The following SH3BP4 variants were observed in gnomAD, a reference collection of about 807,000 sequenced individuals.
SH3BP4 encodes SH3 domain binding protein 4, also known as SH3 domain-binding protein 4.
A neutral mutation model predicts 65.5 loss-of-function variants in SH3BP4; 33 were observed. That is an observed-to-expected ratio of 0.50 (90% CI 0.38 to 0.67). SH3BP4 has a LOEUF of 0.67. Ranked by LOEUF, SH3BP4 falls within the 30% of genes least tolerant of loss-of-function variation. SH3BP4 has a pLI of 0.00. For synonymous variants in SH3BP4, 552 were observed against 545.5 expected (o/e 1.01, Z -0.17); for missense variants, 1,134 against 1,261.4 (o/e 0.90, Z 1.53).
In SH3BP4 at chr2:235,041,854, C is replaced by G. The variant is rs1217910691; in HGVS notation, c.1085C>G (p.Pro362Arg). Reference protein sequence around the residue: ...QQISMKALLDPPLELNSDRSC... With the variant: ...QQISMKALLDRPLELNSDRSC... ...ATCTCCATGAAAGCCCTGCTGGACC[C>G]CCCGCTGGAGCTCAACAGTGACAGG... The change falls in exon 4 of 6, where the codon CCC (proline) becomes CGC (arginine). Residue 362 changes from proline (P) to arginine (R), a missense_variant. Physicochemically the swap from Pro to Arg is moderately radical, Grantham distance 103. Transcript: ENST00000392011. The surrounding 1 kb of genome is among the most constrained non-coding windows in gnomAD (Gnocchi z 6.0). The G allele has an allele frequency of 1.2e-6, 2 of 1,608,312 alleles. No individual in the cohort carries two copies. The highest frequency in any genetic ancestry group is 1.7e-6 in the Non-Finnish European group (2 of 1,176,476).
At chr2:234,959,923 A>G (rs1692668870) in intron 1 of SH3BP4, among the ~76,000 whole-genome samples, 1 of 152,192 alleles carries the variant, frequency 6.6e-6, no homozygotes, top group Non-Finnish European at 1.5e-5. Context: ...AAGTGCTGGG[A>G]TTACAGGCAT....
intron 5 of SH3BP4, among the ~76,000 whole-genome samples, chr2:235,053,261 A>G (rs1696119731): frequency 2.0e-5 from 3 of 152,226 alleles, no homozygotes; most frequent in Admixed American, 1.3e-4. Context: ...AGTCCCAAGG[A>G]CAAAGCTGTC....
chr2:234,973,617 T>C (rs1693064621), intron 1 of SH3BP4, among the ~76,000 whole-genome samples: 1 of 151,792 alleles, frequency 6.6e-6, no homozygotes, highest in African/African-American at 2.4e-5. Flanking sequence ...TTAATTCAGC[T>C]GTAGGCTCCC....
At chr2:235,039,057 T>C (rs1695549352) in intron 3 of SH3BP4, among the ~76,000 whole-genome samples, 1 of 152,134 alleles carries the variant, frequency 6.6e-6, no homozygotes, top group African/African-American at 2.4e-5. Flanking sequence ...GAAATACACT[T>C]TTTGTCCACC....
chr2:234,970,021 T>A (rs577318781), intron 1 of SH3BP4, among the ~76,000 whole-genome samples: 8 of 149,924 alleles, frequency 5.3e-5, no homozygotes, highest in African/African-American at 1.7e-4. Flanking sequence ...ACACACACAC[T>A]GTCACACACT....
chr2:234,993,820 C>T (rs1316486454), intron 1 of SH3BP4, among the ~76,000 whole-genome samples: 3 of 152,196 alleles, frequency 2.0e-5, no homozygotes, highest in Non-Finnish European at 4.4e-5. Flanking sequence ...CCTTCTCTGC[C>T]GAGAATGGGG....
chr2:235,034,879 A>G lies in SH3BP4; in HGVS notation c.-124A>G. 1 of 733,514 alleles carries G rather than the reference A, an allele frequency of 1.4e-6. No homozygotes were observed. The highest frequency in any genetic ancestry group is 2.3e-6 in the Non-Finnish European group (1 of 440,098). 45.4% of individuals were successfully genotyped at this position (733,514 alleles called of 1,614,324 possible). A position where few individuals can be genotyped will look rare whatever the true frequency, so the allele number is the denominator to read the frequency against. ...TCCTCCTCTACTTTCAGGAAGAAAC[A>G]TATTGCCGAGTGGATGCCGCCGCGC... On this transcript the variant is annotated 5_prime_UTR_variant, in exon 3 of 6. Transcript: ENST00000392011. This position sits in a 1 kb window ranked among gnomAD's most constrained non-coding sequence, Gnocchi z 6.2.
At chr2:234,968,167 GT>G (rs1416531983) in intron 1 of SH3BP4, among the ~76,000 whole-genome samples, 1 of 152,176 alleles carries the variant, frequency 6.6e-6, no homozygotes, top group Non-Finnish European at 1.5e-5. Flanking sequence ...AGTGTTCTAG[GT>G]TTTCCCCTTT....
At chr2:234,973,888 G>A (rs931677630) in intron 1 of SH3BP4, among the ~76,000 whole-genome samples, 3 of 152,064 alleles carry the variant, frequency 2.0e-5, no homozygotes, top group Non-Finnish European at 4.4e-5. Context: ...TCCTGCCTCA[G>A]CTTCCCAAAG....
At chr2:234,955,259 A>T (rs72985431) in intron 1 of SH3BP4, among the ~76,000 whole-genome samples, 12,926 of 152,186 alleles carry the variant, frequency 0.085, 763 homozygotes, top group East Asian at 0.22. Flanking sequence ...AGCGAGCCTC[A>T]GGCCAAGCAA....
intron 1 of SH3BP4, among the ~76,000 whole-genome samples, chr2:234,970,032 C>A (rs1692945337): frequency 6.7e-6 from 1 of 148,326 alleles, no homozygotes; most frequent in South Asian, 2.1e-4. Flanking sequence ...GTCACACACT[C>A]ACAAATACAC....
At chr2:235,025,975 A>G (rs756345498) in intron 2 of SH3BP4, among the ~76,000 whole-genome samples, 4 of 152,184 alleles carry the variant, frequency 2.6e-5, no homozygotes, top group Non-Finnish European at 5.9e-5. Flanking sequence ...GAAGGTGTGA[A>G]GAATCTGGAA....
In SH3BP4 at chr2:235,013,647, G is replaced by A. The variant is rs1289112349; in HGVS notation, c.-133+18271G>A. Among the ~76,000 whole-genome samples, 3 of 152,172 alleles carry A rather than the reference G, an allele frequency of 2.0e-5. No individual in the cohort carries two copies. In the South Asian group the frequency reaches 6.2e-4, roughly 32 times the overall value. On this transcript the variant is annotated intron_variant, in intron 2 of 5. Transcript: ENST00000392011. ...TAACTGTTGGACTGAGGGTAAGGGGGTTTTGCCTGCAGTCGCTTCCAGGGT... is the reference window on the plus strand; with the variant it reads ...TAACTGTTGGACTGAGGGTAAGGGGATTTTGCCTGCAGTCGCTTCCAGGGT...
At chr2:234,973,061 T>C (rs1036807248) in intron 1 of SH3BP4, among the ~76,000 whole-genome samples, 5 of 152,328 alleles carry the variant, frequency 3.3e-5, no homozygotes, top group African/African-American at 1.2e-4. Context: ...ATGTGTATCA[T>C]AGAAGATGTA....
chr2:234,956,720 G>GT (rs537188648), intron 1 of SH3BP4, among the ~76,000 whole-genome samples: 14,963 of 147,546 alleles, frequency 0.1, 916 homozygotes, highest in Non-Finnish European at 0.14. Flanking sequence ...CGCCCGGGTA[G>GT]TTTTTTTTTT....
chr2:234,990,764 A>G (rs1480360860), intron 1 of SH3BP4, among the ~76,000 whole-genome samples: 1 of 152,200 alleles, frequency 6.6e-6, no homozygotes, highest in East Asian at 1.9e-4. Flanking sequence ...GCACAGTGGA[A>G]AAGGATTGTC....
At chr2:234,975,077 G>C (rs1693130067) in intron 1 of SH3BP4, among the ~76,000 whole-genome samples, 1 of 152,216 alleles carries the variant, frequency 6.6e-6, no homozygotes, top group Non-Finnish European at 1.5e-5. Context: ...GGCTTGCGAT[G>C]TATTTCTCTG....
chr2:235,040,171 G>C (rs1427421960), intron 3 of SH3BP4, among the ~76,000 whole-genome samples: 2 of 152,212 alleles, frequency 1.3e-5, no homozygotes, highest in South Asian at 2.1e-4. Context: ...AGCGGCTGAG[G>C]TTGCAGTGAG....
intron 4 of SH3BP4, among the ~76,000 whole-genome samples, chr2:235,049,565 T>A (rs1330186172): frequency 6.6e-6 from 1 of 152,206 alleles, no homozygotes. Flanking sequence ...GCCTACCAGC[T>A]AACTACACAC....
Sources: gnomAD v4.1 joint callset for allele counts (sites outside exome capture counted in the v4.1 genomes callset) on GRCh38, gnomAD v4.1.1 for gene constraint, Gnocchi (gnomAD v3.1) non-coding constraint, MANE v1.5 for transcripts, NCBI Gene and HGNC (gene_info 2026-07-23, HGNC 2026-07-21) for gene names.